BAIAP2: variants seen among roughly 807,000 people sequenced by gnomAD.
BAIAP2 encodes the protein BAR/IMD domain-containing adapter protein 2.
BAIAP2 carries 18 observed loss-of-function variants against 63.0 expected under a neutral mutation model. That is an observed-to-expected ratio of 0.29 (90% confidence interval 0.20 to 0.42). BAIAP2 has a LOEUF of 0.42. BAIAP2 is among the 10% of genes least tolerant of loss of function. BAIAP2 has a pLI of 1.00. For missense variants in BAIAP2, 610 were observed against 734.3 expected (o/e 0.83, Z 1.96); for synonymous variants, 386 against 307.6 (o/e 1.25, Z -2.67).
At chr17:81,063,359 G>A (rs560095579) in intron 3 of BAIAP2, among the ~76,000 whole-genome samples, 33 of 152,312 alleles carry the variant, frequency 2.2e-4, no homozygotes, top group Non-Finnish European at 3.7e-4. Context: ...CTTGCCACAC[G>A]CGGATGCCTT....
chr17:81,069,239 CA>C (rs1353059290), intron 3 of BAIAP2, among the ~76,000 whole-genome samples: 1 of 152,204 alleles, frequency 6.6e-6, no homozygotes, highest in Non-Finnish European at 1.5e-5. Flanking sequence ...CCAGCAGTCA[CA>C]TGCAGGCGGT....
intron 3 of BAIAP2, among the ~76,000 whole-genome samples, chr17:81,058,668 C>T (rs755025702): frequency 8.5e-5 from 13 of 152,234 alleles, no homozygotes; most frequent in Non-Finnish European, 8.8e-5. Flanking sequence ...CGGCCCTTGA[C>T]GCACAAGGAA....
At chr17:81,095,883 G>A (rs981220278) in intron 6 of BAIAP2, among the ~76,000 whole-genome samples, 9 of 152,062 alleles carry the variant, frequency 5.9e-5, no homozygotes, top group East Asian at 1.9e-4. Context: ...GGAGGCTGCC[G>A]TACCCTGCTA....
chr17:81,073,066 G>A (rs1263367823), intron 3 of BAIAP2, among the ~76,000 whole-genome samples: 1 of 152,030 alleles, frequency 6.6e-6, no homozygotes, highest in Non-Finnish European at 1.5e-5. Context: ...AGCAGGTGGA[G>A]GGTACCTGCT....
chr17:81,085,747 C>T, intron 5 of BAIAP2, 22 bp downstream of exon 5: 1 of 1,597,698 alleles, frequency 6.3e-7, no homozygotes, highest in South Asian at 1.1e-5. Context: ...CTGGCCGTGC[C>T]TGCTGGGCCC....
intron 3 of BAIAP2, chr17:81,083,978 G>C (rs566500415): frequency 6.6e-6 from 1 of 152,356 alleles, no homozygotes; most frequent in South Asian, 2.1e-4. Context: ...GGGTAGCCCA[G>C]ACACCTGCGC....
At chr17:81,087,262 C>T (rs1341212748) in intron 6 of BAIAP2, among the ~76,000 whole-genome samples, 2 of 152,252 alleles carry the variant, frequency 1.3e-5, no homozygotes, top group African/African-American at 2.4e-5. Flanking sequence ...AGCTTCTGGG[C>T]TGCACCCTGG....
chr17:81,079,879 C>A (rs1383100506), intron 3 of BAIAP2, among the ~76,000 whole-genome samples: 2 of 152,180 alleles, frequency 1.3e-5, no homozygotes, highest in Non-Finnish European at 2.9e-5. Context: ...AAGCCTGGCA[C>A]ACCCTGTCCC....
chr17:81,104,433 T>C (rs1481370130), intron 9 of BAIAP2, 81 bp from the exon 10 acceptor site: 8 of 1,449,276 alleles, frequency 5.5e-6, no homozygotes, highest in Non-Finnish European at 7.4e-6. Flanking sequence ...GGCTGTGCTC[T>C]CAGCACCTCA....
Position 81,055,569 on chromosome 17 carries a change from G to GGTTTTTTTTTTTT in BAIAP2, c.130+1826_130+1827insGTTTTTTTTTTTT, listed in dbSNP as rs138656369. Among the ~76,000 whole-genome samples the GGTTTTTTTTTTTT allele has an allele frequency of 1.1e-3, 104 of 94,060 alleles. 4 individuals are homozygous for GGTTTTTTTTTTTT. The highest frequency in any genetic ancestry group is 2.5e-3 in the South Asian group (6 of 2,398). 61.7% of individuals were successfully genotyped at this position (94,060 alleles called of 152,430 possible). ...TTCCTCCAGCGAAAGTCTGCAGGGT[G>GGTTTTTTTTTTTT]TTTTGTTTTTTTTTGAGACGGAGTC... On this transcript the variant is annotated intron_variant, in intron 2 of 13. Transcript: ENST00000428708.
chr17:81,100,091 T>C lies in BAIAP2; in HGVS notation c.642+11T>C. ...GCCTACCACTCCAAGGTGAGGCGGC[T>C]GGGGGCTGCGCTGTGCCGGCGCTGG... On this transcript the variant is annotated intron_variant, in intron 7 of 13. Coordinates refer to ENST00000428708, the MANE Select transcript of BAIAP2 (RefSeq NM_001144888.2). 1 of 1,606,874 alleles carries C rather than the reference T, an allele frequency of 6.2e-7. No homozygotes were observed. The highest frequency in any genetic ancestry group is 1.1e-5 in the South Asian group (1 of 90,658).
intron 1 of BAIAP2, among the ~76,000 whole-genome samples, chr17:81,042,731 T>A (rs1348085808): frequency 6.6e-6 from 1 of 151,122 alleles, no homozygotes; most frequent in Non-Finnish European, 1.5e-5. Flanking sequence ...GTGGGGATGG[T>A]GGTGGGGGAG....
intron 3 of BAIAP2, among the ~76,000 whole-genome samples, chr17:81,074,601 G>C (rs955810827): frequency 6.6e-6 from 1 of 150,458 alleles, no homozygotes. Flanking sequence ...CTGTGTGTGC[G>C]TGCACGGATG....
chr17:81,109,035 T>C, intron 13 of BAIAP2: 1 of 1,530,966 alleles, frequency 6.5e-7, no homozygotes, highest in Non-Finnish European at 8.8e-7. Context: ...TCTGAAGAGC[T>C]TCCGCGCCTT....
chr17:81,111,484 T>A (rs1048105397), intron 13 of BAIAP2, among the ~76,000 whole-genome samples: 20 of 152,236 alleles, frequency 1.3e-4, no homozygotes, highest in African/African-American at 4.6e-4. Flanking sequence ...GTGCTGTTAG[T>A]CTGACCTTGC....
chr17:81,084,912 T>C lies in BAIAP2; in HGVS notation c.279+19T>C. 1.9e-6 allele frequency: 3 copies of C among 1,613,180 alleles called. No homozygotes were observed. Among genetic ancestry groups the C allele is most frequent in the Non-Finnish European group, 2.5e-6 (3 of 1,179,920 alleles). ...AGAAATGGTGAGTCCACCCCCAGCG[T>C]GGCCCTGCGAGGAGGGGCAGGTGCG... On this transcript the variant is annotated intron_variant, in intron 4 of 13. Transcript: ENST00000428708.
chr17:81,085,793 C>G (rs1173468845), intron 5 of BAIAP2, 68 bp downstream of exon 5: 2 of 1,276,118 alleles, frequency 1.6e-6, no homozygotes, highest in Non-Finnish European at 2.3e-6. Flanking sequence ...ATGCCTGCCA[C>G]TCCTTCCTCG....
At chr17:81,105,203 C>T in intron 10 of BAIAP2, 2 of 167,732 alleles carry the variant, frequency 1.2e-5, no homozygotes, top group Non-Finnish European at 1.3e-5. Context: ...TCGGGTCTCC[C>T]CCACATGGCT....
chr17:81,082,806 C>T (rs2054862314), intron 3 of BAIAP2, among the ~76,000 whole-genome samples: 2 of 152,228 alleles, frequency 1.3e-5, no homozygotes, highest in African/African-American at 4.8e-5. Context: ...AGAGGCAGCC[C>T]TGTGTGTGCT....
Sources: gnomAD v4.1 joint callset for allele counts (sites outside exome capture counted in the v4.1 genomes callset) on GRCh38, gnomAD v4.1.1 for gene constraint, MANE v1.5 for transcripts, NCBI Gene and HGNC (gene_info 2026-07-23, HGNC 2026-07-21) for gene names.